TEP1: variants seen among roughly 807,000 people sequenced by gnomAD.
TEP1 encodes telomerase protein component 1.
In TEP1, 241 loss-of-function variants were observed where a neutral mutation model predicts 306.3. The ratio of observed to expected loss-of-function variants is 0.79; its 90% confidence interval spans 0.71 to 0.88. The LOEUF is 0.88. TEP1 is among the 40% of genes least tolerant of loss of function. The probability of loss-of-function intolerance (pLI) is 0.00; values close to 1 mark genes in which losing one functional copy is unlikely to be tolerated. For missense variants in TEP1, 3,051 were observed against 3,276.1 expected (o/e 0.93, Z 1.68); for synonymous variants, 1,289 against 1,305.5 (o/e 0.99, Z 0.27).
At chr14:20,407,292 G>A (rs1488107109) in intron 2 of TEP1, among the ~76,000 whole-genome samples, 3 of 152,226 alleles carry the variant, frequency 2.0e-5, no homozygotes, top group Non-Finnish European at 1.5e-5. Flanking sequence ...CTCTGCTATA[G>A]TAACATTAAG....
Position 20,408,332 on chromosome 14 carries a change from C to T in TEP1, c.108G>A (p.Gln36=). Residue 36 remains glutamine (Q), a synonymous_variant, in exon 2 of 55, where the codon CAG becomes CAA. Coordinates refer to ENST00000262715, the MANE Select transcript of TEP1 (RefSeq NM_007110.5). ...GGATATCTGAGTGGGTAGATACATG[C>T]TGATGTAGTTTCTCCAAGGGCTGTA... is the stretch of plus-strand genomic sequence containing the variant. The part of the protein sequence containing the change: ...PDLQPLEKLH[Q]HVSTHSDILS... 6.2e-7 allele frequency: 1 copy of T among 1,612,576 alleles called. No individual in the cohort carries two copies.
chr14:20,383,440 C>T, intron 26 of TEP1, 48 bp downstream of exon 26: 1 of 1,613,028 alleles, frequency 6.2e-7, no homozygotes, highest in Non-Finnish European at 8.5e-7. Context: ...CCGTATCCCT[C>T]CTTCTCCCCA....
Position 20,407,917 on chromosome 14 carries a change from G to A in TEP1, c.523C>T (p.Leu175=), listed in dbSNP as rs140817770. 22 of 1,609,578 alleles carry A rather than the reference G, an allele frequency of 1.4e-5. No individual in the cohort carries two copies. The Middle Eastern group carries it at 5.0e-4, about 36-fold the overall frequency. Reference sequence around the variant, plus strand: ...GTCTCTGTGGCAGAGATGGATTTCAGGGCTATAGGGCAGGTTGAAAGGTCT... The same window carrying A: ...GTCTCTGTGGCAGAGATGGATTTCAAGGCTATAGGGCAGGTTGAAAGGTCT... ...GLDLSTCPIA[L]KSISATETAQ... The change falls in exon 2 of 55, where the codon CTG becomes TTG. Residue 175 remains leucine (L), a synonymous_variant. Transcript: ENST00000262715.
chr14:20,408,070 C>T lies in TEP1; in HGVS notation c.370G>A (p.Ala124Thr). ...TGTAGACTCTGGAACAAGGGGCTGG[C>T]AGACACAGTGCTCTTTAGACTAGAG... ...TLSSLKSTVS[A>T]SPLFQSLQIS... Residue 124 changes from alanine to threonine, a missense_variant, in exon 2 of 55, where the codon GCC (alanine) becomes ACC (threonine). Ala to Thr is a moderately conservative substitution (Grantham distance 58). Transcript: ENST00000262715. 1.2e-5 allele frequency: 19 copies of T among 1,614,172 alleles called. No homozygotes were observed. Among genetic ancestry groups the T allele is most frequent in the Non-Finnish European group, 1.3e-5 (15 of 1,180,042 alleles).
At chr14:20,409,854 A>G (rs1879496409) in intron 1 of TEP1, among the ~76,000 whole-genome samples, 1 of 151,846 alleles carries the variant, frequency 6.6e-6, no homozygotes, top group African/African-American at 2.4e-5. Context: ...CCCCATCTCT[A>G]CTAAAAAAAT....
intron 41 of TEP1, 150 bp downstream of exon 41, chr14:20,377,130 G>A: frequency 1.6e-6 from 1 of 622,238 alleles, no homozygotes; most frequent in Non-Finnish European, 2.7e-6. Flanking sequence ...CAGGAGAATT[G>A]CTTGAACCCA....
intron 37 of TEP1, 92 bp from the exon 38 acceptor site, chr14:20,378,627 C>T (rs1885343405): frequency 6.3e-7 from 1 of 1,593,726 alleles, no homozygotes; most frequent in Non-Finnish European, 8.6e-7. Context: ...TCCAGTTACC[C>T]TGCCCTCAGC....
Position 20,381,303 on chromosome 14 carries a change from A to G in TEP1, c.4647+10T>C. On this transcript the variant is annotated intron_variant, in intron 32 of 54. Transcript: ENST00000262715. The surrounding 1 kb of genome is among the most constrained non-coding windows in gnomAD (Gnocchi z 4.0). ...TTTGGGAAAGGTGTCTATGGGGTCT[A>G]GGAACTAACCAGGTGGTAAGGCAGG... 2 of 1,614,038 alleles carry G rather than the reference A, an allele frequency of 1.2e-6. No individual in the cohort carries two copies. Among genetic ancestry groups the G allele is most frequent in the South Asian group, 2.2e-5 (2 of 91,084 alleles).
In TEP1 at chr14:20,386,147, C is replaced by T; in HGVS notation, c.2910G>A (p.Val970=). Reference sequence around the variant, plus strand: ...ATCCATAACGGGAGCCCAGAATCCCCACAAACAGCTGTGCGTTCTCCACCT... The same window carrying T: ...ATCCATAACGGGAGCCCAGAATCCCTACAAACAGCTGTGCGTTCTCCACCT... The part of the protein sequence containing the change: ...LGEVENAQLF[V]GILGSRYGYI... The change falls in exon 20 of 55, where the codon GTG becomes GTA. Residue 970 remains valine, a synonymous_variant. Coordinates refer to ENST00000262715, the MANE Select transcript of TEP1 (RefSeq NM_007110.5). The T allele has an allele frequency of 1.9e-6, 3 of 1,613,544 alleles. No individual in the cohort carries two copies. The highest frequency in any genetic ancestry group is 2.5e-6 in the Non-Finnish European group (3 of 1,179,810).
chr14:20,382,093 T>C lies in TEP1; in HGVS notation c.4274-30A>G, dbSNP rs757657863. 1.9e-6 allele frequency: 3 copies of C among 1,613,322 alleles called. No homozygotes were observed. In the South Asian group the frequency reaches 3.3e-5, roughly 18 times the overall value. On this transcript the variant is annotated intron_variant, in intron 29 of 54. Coordinates refer to ENST00000262715, the MANE Select transcript of TEP1 (RefSeq NM_007110.5). ...AAACTCAAGCTCTCTGAGGCCCTCA[T>C]CTAACCATACGGTGTCCCCGCCCCC...
In TEP1 at chr14:20,386,120, G is replaced by T. The variant is rs754349221; in HGVS notation, c.2937C>A (p.Tyr979Ter). Residue 979 changes from tyrosine to a stop codon, truncating the protein, a stop_gained, in exon 20 of 55, where the codon TAC becomes TAA. Coordinates refer to ENST00000262715, the MANE Select transcript of TEP1 (RefSeq NM_007110.5). LOFTEE classifies it high-confidence loss of function. ...FVGILGSRYGYIPPSYNLPDH... is the reference protein window; with the variant it reads ...FVGILGSRYG ...CAGGAAGGTTGTAGCTGGGGGGAATGTATCCATAACGGGAGCCCAGAATCC... is the reference window on the plus strand; with the variant it reads ...CAGGAAGGTTGTAGCTGGGGGGAATTTATCCATAACGGGAGCCCAGAATCC... 6.2e-7 allele frequency: 1 copy of T among 1,613,210 alleles called. No homozygotes were observed. The highest frequency in any genetic ancestry group is 1.3e-5 in the African/African-American group (1 of 74,970).
intron 51 of TEP1, among the ~76,000 whole-genome samples, chr14:20,370,816 G>T (rs865829639): frequency 9.9e-5 from 15 of 152,270 alleles, no homozygotes; most frequent in South Asian, 6.2e-4. Flanking sequence ...CATTTGAAGT[G>T]AACAGCTAGC....
intron 12 of TEP1, among the ~76,000 whole-genome samples, chr14:20,393,676 C>T (rs1041118634): frequency 5.9e-5 from 9 of 152,000 alleles, no homozygotes; most frequent in African/African-American, 2.2e-4. Context: ...CCTGTAATCC[C>T]AGCTACTTGG....
intron 9 of TEP1, among the ~76,000 whole-genome samples, chr14:20,399,412 T>G (rs901656566): frequency 4.6e-5 from 7 of 152,178 alleles, no homozygotes; most frequent in Admixed American, 1.3e-4. Context: ...AATTCACTAA[T>G]TTCATTCCAA....
In TEP1 at chr14:20,369,455, T is replaced by C. The variant is rs1340949995; in HGVS notation, c.7545A>G (p.Gln2515=). 4.3e-6 allele frequency: 7 copies of C among 1,614,196 alleles called. 1 individual carries two copies. In the South Asian group the frequency reaches 4.4e-5, roughly 10 times the overall value. Residue 2515 remains glutamine (Q), a synonymous_variant, in exon 53 of 55, where the codon CAA becomes CAG. Coordinates refer to ENST00000262715, the MANE Select transcript of TEP1 (RefSeq NM_007110.5). ...AGGTAGATGGGTCTGTCCCTGGAGTTTGGGTTTCTGGAGTGTTTGCTTTTT... is the reference window on the plus strand; with the variant it reads ...AGGTAGATGGGTCTGTCCCTGGAGTCTGGGTTTCTGGAGTGTTTGCTTTTT... The part of the protein sequence containing the change: ...WQKKANTPET[Q]TPGTDPSTCR...
intron 7 of TEP1, 136 bp from the exon 8 acceptor site, chr14:20,401,717 C>T (rs762776607): frequency 3.2e-5 from 42 of 1,321,338 alleles, no homozygotes; most frequent in East Asian, 4.7e-5. Context: ...GGCCAAGGAG[C>T]AGGAATAGAG....
chr14:20,408,631 G>A (rs1162540762), intron 1 of TEP1, among the ~76,000 whole-genome samples, 168 bp from the exon 2 acceptor site: 2 of 152,058 alleles, frequency 1.3e-5, no homozygotes, highest in Non-Finnish European at 2.9e-5. Context: ...TATTCTAAGA[G>A]AGAGGGATAG....
At chr14:20,406,981 T>C (rs1392835366) in intron 2 of TEP1, among the ~76,000 whole-genome samples, 1 of 152,202 alleles carries the variant, frequency 6.6e-6, no homozygotes, top group African/African-American at 2.4e-5. Flanking sequence ...GGCGAGGAAA[T>C]TAAAGCTCTA....
At position 20,382,219 on chromosome 14, in the gene TEP1, C is replaced by G; in HGVS notation, c.4273+5G>C. On this transcript the variant is annotated splice_donor_5th_base_variant and intron_variant, in intron 29 of 54. Coordinates refer to ENST00000262715, the MANE Select transcript of TEP1 (RefSeq NM_007110.5). Reference sequence around the variant, plus strand: ...CCTCCCAACCAACCCACCCCAAGCACTGACCACTCCGTGTGACTTCTAGGG... The same window carrying G: ...CCTCCCAACCAACCCACCCCAAGCAGTGACCACTCCGTGTGACTTCTAGGG... 1.2e-6 allele frequency: 2 copies of G among 1,614,170 alleles called. No homozygotes were observed. Among genetic ancestry groups the G allele is most frequent in the Non-Finnish European group, 1.7e-6 (2 of 1,180,038 alleles).
Sources: allele counts gnomAD v4.1 joint callset (sites outside exome capture counted in the v4.1 genomes callset), GRCh38; gene constraint gnomAD v4.1.1; non-coding constraint Gnocchi (gnomAD v3.1); transcripts MANE v1.5; gene names NCBI Gene and HGNC (gene_info 2026-07-23, HGNC 2026-07-21).